Variants in ATP7A observed in about 807,000 individuals in gnomAD.
ATP7A encodes ATPase copper transporting alpha.
In ATP7A, 7 loss-of-function variants were observed where a neutral mutation model predicts 83.5. That is an observed-to-expected ratio of 0.08 (90% CI 0.05 to 0.16). ATP7A has a LOEUF of 0.16. Among genes scored for constraint, ATP7A ranks in the 10% least tolerant of loss-of-function variants. The pLI is 1.00. For missense variants in ATP7A, 940 were observed against 1,120.8 expected (o/e 0.84, Z 2.30); for synonymous variants, 354 against 395.2 (o/e 0.90, Z 1.24).
At chrX:77,984,351 G>A (rs1557231164) in intron 2 of ATP7A, among the ~76,000 whole-genome samples, 1 of 106,901 alleles carries the variant, frequency 9.4e-6, no homozygotes, top group Non-Finnish European at 1.9e-5. Context: ...TTTTTGAGGC[G>A]AAGTCTTGTT....
intron 4 of ATP7A, among the ~76,000 whole-genome samples, chrX:77,994,716 A>G (rs1431511589): frequency 1.8e-5 from 2 of 109,947 alleles, no homozygotes; most frequent in African/African-American, 6.6e-5. Flanking sequence ...ATTTTTTTCT[A>G]TTTTTTGTAG....
intron 1 of ATP7A, among the ~76,000 whole-genome samples, chrX:77,931,633 G>A (rs1450288347): frequency 1.9e-4 from 20 of 106,334 alleles, no homozygotes; most frequent in African/African-American, 6.2e-4. Flanking sequence ...GCGGCTGGCC[G>A]GGCGGGGGGC....
In ATP7A at chrX:78,046,888, C is replaced by CA. The variant is rs200387829; in HGVS notation, c.*329dup. 0.013 allele frequency: 1,706 copies of CA among 130,687 alleles called. 2 individuals are homozygous for CA. The highest frequency in any genetic ancestry group is 0.018 in the South Asian group (62 of 3,355). The allele number at this position is 130,687 out of a possible 1,213,427, so 10.8% of individuals were successfully genotyped here. ...TAAAGTGATTTTTTTTTTATTTGAC[C>CA]AAAAAAAAAAAGGCCCAAGAAGAAG... is the stretch of plus-strand genomic sequence containing the variant. On this transcript the variant is annotated 3_prime_UTR_variant, in exon 23 of 23. Coordinates refer to ENST00000341514, the MANE Select transcript of ATP7A (RefSeq NM_000052.7).
chrX:78,043,815 G>A (rs781976975), intron 21 of ATP7A, among the ~76,000 whole-genome samples: 3 of 105,335 alleles, frequency 2.8e-5, no homozygotes, highest in South Asian at 8.9e-4. Context: ...CCGCCACAAC[G>A]CCCAACTAAT....
rs1281667159 is a variant in ATP7A, at chrX:78,013,126, G to A, written c.2406+14G>A. 4 of 1,180,005 alleles carry A rather than the reference G, an allele frequency of 3.4e-6. No homozygotes were observed. The highest frequency in any genetic ancestry group is 4.6e-6 in the Non-Finnish European group (4 of 868,065). On this transcript the variant is annotated intron_variant, in intron 10 of 22. Coordinates refer to ENST00000341514, the MANE Select transcript of ATP7A (RefSeq NM_000052.7). ...CATATAGCAAAGGTAAAGTAAGAAA[G>A]GGTGACATTTGTTAAAATGTTGGGT...
Position 78,047,730 on chromosome X carries a change from C to G in ATP7A, c.*1160C>G, listed in dbSNP as rs782238439. On this transcript the variant is annotated 3_prime_UTR_variant, in exon 23 of 23. Transcript: ENST00000341514. Reference sequence around the variant, plus strand: ...GATTACAGGTGCCTGCCACCACACCCGGCTAATTTTCATATTTTTCAGTAG... The same window carrying G: ...GATTACAGGTGCCTGCCACCACACCGGGCTAATTTTCATATTTTTCAGTAG... 9.0e-6 allele frequency: 1 copy of G among 110,862 alleles called. No individual in the cohort carries two copies. The highest frequency in any genetic ancestry group is 3.3e-5 in the African/African-American group (1 of 30,462). The allele number at this position is 110,862 out of a possible 1,213,427, so 9.1% of individuals were successfully genotyped here.
intron 1 of ATP7A, among the ~76,000 whole-genome samples, chrX:77,947,639 T>C (rs782005373): frequency 1.6e-4 from 18 of 109,133 alleles, no homozygotes; most frequent in Admixed American, 1.6e-3. Context: ...GGTTTCGCCA[T>C]GTTGGCCAGG....
At chrX:78,016,067 C>T (rs1256802547) in intron 12 of ATP7A, among the ~76,000 whole-genome samples, 186 bp downstream of exon 12, 1 of 111,941 alleles carries the variant, frequency 8.9e-6, no homozygotes, top group Non-Finnish European at 1.9e-5. Flanking sequence ...TCCATTTTCA[C>T]ATTGCTATAA....
intron 14 of ATP7A, among the ~76,000 whole-genome samples, chrX:78,025,220 C>G (rs1161302056): frequency 3.6e-5 from 4 of 110,456 alleles, no homozygotes; most frequent in African/African-American, 1.3e-4. Flanking sequence ...GTAAAGCACC[C>G]AAGGGAAAAA....
rs1218646073 is a variant in ATP7A, at chrX:78,005,683, C to CAAA, written c.1707+2468_1707+2470dup. Among the ~76,000 whole-genome samples, 82 of 13,651 alleles carry CAAA rather than the reference C, an allele frequency of 6.0e-3. 1 individual carries two copies. The highest frequency in any genetic ancestry group is 6.4e-3 in the Non-Finnish European group (52 of 8,149). The allele number at this position is 13,651 out of a possible 115,157, so 11.9% of individuals were successfully genotyped here. A position where few individuals can be genotyped will look rare whatever the true frequency, so the allele number is the denominator to read the frequency against. On this transcript the variant is annotated intron_variant, in intron 6 of 22. Coordinates refer to ENST00000341514, the MANE Select transcript of ATP7A (RefSeq NM_000052.7). ...GGGCAACAACAGTGAAACTCCATCTCAAAAAAAAAAAAAAAAAAAAAAAGA... is the reference window on the plus strand; with the variant it reads ...GGGCAACAACAGTGAAACTCCATCTCAAAAAAAAAAAAAAAAAAAAAAAAAAGA...
chrX:78,014,748 C>A lies in ATP7A; in HGVS notation c.2493C>A (p.Leu831=). Residue 831 remains leucine (L), a synonymous_variant, in exon 11 of 23, where the codon CTC becomes CTA. Coordinates refer to ENST00000341514, the MANE Select transcript of ATP7A (RefSeq NM_000052.7). The part of the protein sequence containing the change: ...TIVTLDSDNI[L]LSEEQVDVEL... ...TAACTCTTGATTCTGATAATATCCTCCTCAGGTATTTATCTTCACTCTTCC... is the reference window on the plus strand; with the variant it reads ...TAACTCTTGATTCTGATAATATCCTACTCAGGTATTTATCTTCACTCTTCC... The A allele has an allele frequency of 8.4e-7, 1 of 1,189,716 alleles. No homozygotes were observed. The highest frequency in any genetic ancestry group is 1.1e-6 in the Non-Finnish European group (1 of 877,001).
intron 1 of ATP7A, among the ~76,000 whole-genome samples, chrX:77,944,522 G>A (rs1247598820): frequency 9.1e-6 from 1 of 110,157 alleles, no homozygotes; most frequent in African/African-American, 3.3e-5. Context: ...CCGTAACCTC[G>A]AACTCCTGGG....
chrX:77,954,508 T>C (rs1437054042), intron 1 of ATP7A, among the ~76,000 whole-genome samples: 3 of 112,228 alleles, frequency 2.7e-5, no homozygotes, highest in African/African-American at 9.7e-5. Context: ...TAATACTGGT[T>C]GTTTGATGAA....
Position 78,031,469 on chromosome X carries a change from G to T in ATP7A, c.3181G>T (p.Val1061Phe). The change falls in exon 16 of 23, where the codon GTT (valine) becomes TTT (phenylalanine). Residue 1061 changes from valine (V) to phenylalanine (F), a missense_variant. Around this residue, in one of 3 missense-constraint regions of ATP7A, gnomAD observed 386 missense variants for 502.2 expected, o/e 0.77. Coordinates refer to ENST00000341514, the MANE Select transcript of ATP7A (RefSeq NM_000052.7). ...AACCCCAGTGGTGAATCAAGTAAAG[G>T]TTCTAACTGAAAGTAACAGAATATC... The part of the protein sequence containing the change: ...HGTPVVNQVK[V>F]LTESNRISHH... The T allele has an allele frequency of 1.7e-6, 2 of 1,211,010 alleles. No homozygotes were observed. The highest frequency in any genetic ancestry group is 2.2e-6 in the Non-Finnish European group (2 of 894,695).
rs146321727 is a variant in ATP7A at position 77,952,030 on chromosome X, A to G, written c.-21-19591A>G. ...CTCCAAGTTTTTTTATGAATAGCTC[A>G]TCTTTAATGTGTGTGCTGAATAATA... On this transcript the variant is annotated intron_variant, in intron 1 of 22. Coordinates refer to ENST00000341514, the MANE Select transcript of ATP7A (RefSeq NM_000052.7). Among the ~76,000 whole-genome samples, 856 of 112,093 alleles carry G rather than the reference A, an allele frequency of 7.6e-3. 11 individuals are homozygous for G. The highest frequency in any genetic ancestry group is 0.027 in the African/African-American group (828 of 30,876).
At chrX:77,956,773 TTCTTTCTTTCTTTC>T (rs1557227435) in intron 1 of ATP7A, among the ~76,000 whole-genome samples, 3 of 103,425 alleles carry the variant, frequency 2.9e-5, no homozygotes, top group Non-Finnish European at 5.9e-5. Flanking sequence ...CTTTCTTTCT[TTCTTTCTTTCTTTC>T]TCTTTCTTTC....
At position 77,933,418 on chromosome X, in the gene ATP7A, G is replaced by A. The variant is rs1478019703; in HGVS notation, c.-22+22583G>A. Among the ~76,000 whole-genome samples, 24 of 112,018 alleles carry A rather than the reference G, an allele frequency of 2.1e-4. No individual in the cohort carries two copies. In the Admixed American group the frequency reaches 2.3e-3, roughly 11 times the overall value. On this transcript the variant is annotated intron_variant, in intron 1 of 22. Transcript: ENST00000341514. ...TTCTCATGGAGCTTATGTTCTGGAA[G>A]TGGGAGACTGACAGTAAATAAGTAA...
At chrX:77,961,677 C>T (rs1409466794) in intron 1 of ATP7A, among the ~76,000 whole-genome samples, 1 of 111,243 alleles carries the variant, frequency 9.0e-6, no homozygotes, top group Non-Finnish European at 1.9e-5. Flanking sequence ...TCTTCTACTT[C>T]CATTTTTATA....
chrX:78,006,519 GT>G (rs782177971), intron 6 of ATP7A, among the ~76,000 whole-genome samples: 1 of 111,625 alleles, frequency 9.0e-6, no homozygotes, highest in African/African-American at 3.2e-5. Context: ...CCTTTTTAAA[GT>G]GTACAACCCA....
Sources: gnomAD v4.1 joint callset for allele counts (sites outside exome capture counted in the v4.1 genomes callset) on GRCh38, gnomAD v4.1.1 for gene constraint, gnomAD v4.1.1 regional missense constraint, MANE v1.5 for transcripts, NCBI Gene and HGNC (gene_info 2026-07-23, HGNC 2026-07-21) for gene names.